The following DST variants were observed in gnomAD, a reference collection of about 807,000 sequenced individuals.
DST encodes the protein dystonin.
A neutral mutation model predicts 875.2 loss-of-function variants in DST; 253 were observed. That is an observed-to-expected ratio of 0.29 (90% confidence interval 0.26 to 0.32). The LOEUF (loss-of-function observed/expected upper bound fraction) is 0.32, where lower values mean the gene tolerates loss of function less well. Ranked by LOEUF, DST falls within the 10% of genes least tolerant of loss-of-function variation. The pLI is 1.00. For missense variants in DST, 8,287 were observed against 9,111.6 expected, an observed-to-expected ratio of 0.91 and a Z score of 3.68; for synonymous variants, 3,124 against 3,197.1, an observed-to-expected ratio of 0.98 and a Z score of 0.77.
chr6:56,777,507 A>T (rs774978935), intron 4 of DST, among the ~76,000 whole-genome samples: 1 of 152,124 alleles, frequency 6.6e-6, no homozygotes, highest in Non-Finnish European at 1.5e-5. Context: ...ATGATGGAAC[A>T]GGCTAAATCA....
At position 56,624,246 on chromosome 6, in the gene DST, G is replaced by GT. The variant is rs2098714591; in HGVS notation, c.4929+283dup. The GT allele has an allele frequency of 5.1e-6, 3 of 588,420 alleles. No individual in the cohort carries two copies. The East Asian group carries it at 8.3e-5, about 16-fold the overall frequency. The allele number at this position is 588,420 out of a possible 1,614,324, so 36.4% of individuals were successfully genotyped here. On this transcript the variant is annotated intron_variant, in intron 36 of 103. Transcript: ENST00000680361. ...TATTCTGCCAAACTGCCAAAATTTC[G>GT]TAATTTATTTAAGACATTAACCCCA...
At chr6:56,760,816 T>G (rs1460704954) in intron 4 of DST, among the ~76,000 whole-genome samples, 3 of 152,110 alleles carry the variant, frequency 2.0e-5, no homozygotes, top group Admixed American at 2.0e-4. Flanking sequence ...CAACATAAAG[T>G]GGATAGTATA....
At chr6:56,757,001 C>T (rs1023723263) in intron 4 of DST, among the ~76,000 whole-genome samples, 5 of 152,116 alleles carry the variant, frequency 3.3e-5, no homozygotes, top group African/African-American at 1.2e-4. Flanking sequence ...CAATGCCTTG[C>T]AGCAAGCTCA....
chr6:56,792,566 G>T (rs2099728972), intron 4 of DST, among the ~76,000 whole-genome samples: 1 of 151,946 alleles, frequency 6.6e-6, no homozygotes, highest in African/African-American at 2.4e-5. Flanking sequence ...ATCCCTAGTA[G>T]CTGGGAACAC....
At chr6:56,549,857 G>A (rs2097291515) in intron 61 of DST, among the ~76,000 whole-genome samples, 1 of 152,110 alleles carries the variant, frequency 6.6e-6, no homozygotes, top group Non-Finnish European at 1.5e-5. Flanking sequence ...TGTGAAACAT[G>A]GATGACAAAT....
intron 91 of DST, among the ~76,000 whole-genome samples, chr6:56,476,965 A>T (rs1562243416): frequency 6.6e-6 from 1 of 152,188 alleles, no homozygotes; most frequent in Non-Finnish European, 1.5e-5. Context: ...AAAGAAAAAA[A>T]AAAGCTAAGA....
Position 56,604,818 on chromosome 6 carries a change from G to C in DST, c.9810C>G (p.Ala3270=). 1 of 1,612,640 alleles carries C rather than the reference G, an allele frequency of 6.2e-7. No homozygotes were observed. Among genetic ancestry groups the C allele is most frequent in the Non-Finnish European group, 8.5e-7 (1 of 1,179,172 alleles). Residue 3270 remains alanine, a synonymous_variant, in exon 40 of 104, where the codon GCC becomes GCG. Transcript: ENST00000680361. ...ISQFTPESIE[A]TLSILSRKHV... is the part of the protein sequence containing the mutation. ...GTTTACGAGATAATATTGAAAGTGTGGCTTCAATACTTTCTGGTGTGAACT... is the reference window on the plus strand; with the variant it reads ...GTTTACGAGATAATATTGAAAGTGTCGCTTCAATACTTTCTGGTGTGAACT...
At chr6:56,646,798 C>A (rs956215244) in intron 13 of DST, among the ~76,000 whole-genome samples, 2 of 152,010 alleles carry the variant, frequency 1.3e-5, no homozygotes, top group Non-Finnish European at 2.9e-5. Flanking sequence ...AATTTGGGAA[C>A]CTCTTAAATA....
intron 58 of DST, among the ~76,000 whole-genome samples, chr6:56,559,380 T>C (rs2097495774): frequency 6.6e-6 from 1 of 152,112 alleles, no homozygotes; most frequent in Non-Finnish European, 1.5e-5. Flanking sequence ...ATAGTTGGAT[T>C]AAATATATCT....
intron 3 of DST, chr6:56,871,066 A>G (rs1776857124): frequency 2.1e-6 from 1 of 472,690 alleles, no homozygotes; most frequent in Non-Finnish European, 3.8e-6. Context: ...AGCAAATGAA[A>G]TGGACAGACA....
Position 56,480,164 on chromosome 6 carries a change from A to C in DST, c.21531+1886T>G, listed in dbSNP as rs144445395. 4.3e-3 allele frequency among the ~76,000 whole-genome samples: 650 copies of C among 152,336 alleles called. 3 individuals carry two copies. The highest frequency in any genetic ancestry group is 0.015 in the African/African-American group (624 of 41,582). ...ACCTTTTATTTACAAGTTTACTATA[A>C]TGGAGTCAACGTTCAATTGACAGCA... On this transcript the variant is annotated intron_variant, in intron 90 of 103. Transcript: ENST00000680361.
intron 4 of DST, among the ~76,000 whole-genome samples, chr6:56,850,145 C>T (rs1266269998): frequency 6.6e-6 from 1 of 152,198 alleles, no homozygotes; most frequent in East Asian, 1.9e-4. Context: ...CCCTTTCTCA[C>T]TCCACCCCTT....
At chr6:56,756,415 C>T (rs1013642075) in intron 4 of DST, among the ~76,000 whole-genome samples, 9 of 152,110 alleles carry the variant, frequency 5.9e-5, no homozygotes, top group African/African-American at 1.7e-4. Context: ...ATGTGGGACA[C>T]GGCCTGAGTC....
At position 56,631,978 on chromosome 6, in the gene DST, A is replaced by G. The variant is rs1483415008; in HGVS notation, c.3868T>C (p.Leu1290=). The change falls in exon 29 of 104, where the codon TTA becomes CTA. Residue 1290 remains leucine, a synonymous_variant. Coordinates refer to ENST00000680361, the MANE Select transcript of DST (RefSeq NM_001374736.1). ...ATCAGCCGATCTTCACAGTTCTCTAACCGAAGTCTAATGTTTCGAACTTCA... is the reference window on the plus strand; with the variant it reads ...ATCAGCCGATCTTCACAGTTCTCTAGCCGAAGTCTAATGTTTCGAACTTCA... ...ISEVRNIRLR[L]ENCEDRLIRQ... is the part of the protein sequence containing the mutation. 1 of 1,613,582 alleles carries G rather than the reference A, an allele frequency of 6.2e-7. No homozygotes were observed. The highest frequency in any genetic ancestry group is 2.2e-5 in the East Asian group (1 of 44,860).
intron 2 of DST, among the ~76,000 whole-genome samples, chr6:56,931,116 T>C (rs1809986337): frequency 6.6e-6 from 1 of 152,150 alleles, no homozygotes; most frequent in Non-Finnish European, 1.5e-5. Context: ...AGTAAAGAAA[T>C]GGCATTTTGA....
intron 56 of DST, among the ~76,000 whole-genome samples, 162 bp from the exon 57 acceptor site, chr6:56,561,711 C>T (rs756312623): frequency 1.3e-5 from 2 of 152,098 alleles, no homozygotes; most frequent in Non-Finnish European, 2.9e-5. Context: ...AAGTTTGGAT[C>T]ATCTTATAAT....
At position 56,607,431 on chromosome 6, in the gene DST, T is replaced by C; in HGVS notation, c.7197A>G (p.Glu2399=). The C allele has an allele frequency of 6.2e-7, 1 of 1,609,470 alleles. No individual in the cohort carries two copies. Among genetic ancestry groups the C allele is most frequent in the Non-Finnish European group, 8.5e-7 (1 of 1,177,594 alleles). Residue 2399 remains glutamate, a synonymous_variant, in exon 40 of 104, where the codon GAA becomes GAG. Transcript: ENST00000680361. ...TCATTTTTGATTTCATAATAGGATT[T>C]TCTATTAAATCACTTGGAAAGTTTT... The part of the protein sequence containing the change: ...NIQNFPSDLI[E]NPIMKSKMSK...
chr6:56,753,592 C>A (rs1341595501), intron 4 of DST, among the ~76,000 whole-genome samples: 1 of 152,118 alleles, frequency 6.6e-6, no homozygotes, highest in African/African-American at 2.4e-5. Context: ...CTTCTTAGTG[C>A]TATTTGATAG....
At chr6:56,590,967 AC>A (rs2098262491) in intron 49 of DST, among the ~76,000 whole-genome samples, 1 of 152,372 alleles carries the variant, frequency 6.6e-6, no homozygotes, top group East Asian at 1.9e-4. Context: ...TCCCGTGCTA[AC>A]AGCACAATTT....
Sources: allele counts gnomAD v4.1 joint callset (sites outside exome capture counted in the v4.1 genomes callset), GRCh38; gene constraint gnomAD v4.1.1; transcripts MANE v1.5; gene names NCBI Gene and HGNC (gene_info 2026-07-23, HGNC 2026-07-21).